Variants in PBRM1 observed in about 807,000 individuals in gnomAD.
PBRM1 encodes protein polybromo-1.
A neutral mutation model predicts 194.5 loss-of-function variants in PBRM1; 27 were observed. The ratio of observed to expected loss-of-function variants is 0.14; its 90% confidence interval spans 0.10 to 0.19. The LOEUF (loss-of-function observed/expected upper bound fraction) is 0.19, where lower values mean the gene tolerates loss of function less well. Ranked by LOEUF, PBRM1 falls within the 10% of genes least tolerant of loss-of-function variation. The pLI, the probability that PBRM1 is intolerant of heterozygous loss-of-function variation, is 1.00. For synonymous variants in PBRM1, 655 were observed against 693.2 expected (o/e 0.94, Z 0.87); for missense variants, 1,466 against 2,077.2 (o/e 0.71, Z 5.72).
intron 22 of PBRM1, among the ~76,000 whole-genome samples, chr3:52,566,482 G>A (rs1367481498): frequency 6.6e-6 from 1 of 152,022 alleles, no homozygotes; most frequent in South Asian, 2.1e-4. Flanking sequence ...TACAGCCTTA[G>A]GAATAAAATT....
chr3:52,551,206 C>T (rs1009714675), intron 27 of PBRM1, among the ~76,000 whole-genome samples: 2 of 152,316 alleles, frequency 1.3e-5, no homozygotes, highest in Middle Eastern at 3.4e-3. Flanking sequence ...GCACTGGAAT[C>T]AGGCTCAGCA....
At chr3:52,570,696 T>A (rs183148179) in intron 22 of PBRM1, among the ~76,000 whole-genome samples, 2 of 152,330 alleles carry the variant, frequency 1.3e-5, no homozygotes, top group Admixed American at 1.3e-4. Flanking sequence ...TGGATTTTGA[T>A]TGGAATTGGA....
rs141752554 is a variant in PBRM1, at chr3:52,575,593, AGCCTCTGCCTCTGCCTCT to A, written c.3691+930_3691+947del. The stretch of plus-strand genomic sequence containing the variant: ...CAGTGGCGTGATCTTGGCTCACTGC[AGCCTCTGCCTCTGCCTCT>A]GCCTCTGCCTCAGCCTCCAGAGTAA... On this transcript the variant is annotated intron_variant, in intron 22 of 29. Transcript: ENST00000296302. 2.8e-5 allele frequency among the ~76,000 whole-genome samples: 4 copies of A among 140,884 alleles called. No individual in the cohort carries two copies. The East Asian group carries it at 8.2e-4, about 29-fold the overall frequency. 92.4% of individuals were successfully genotyped at this position (140,884 alleles called of 152,430 possible).
At chr3:52,683,323 G>A (rs1199921076), upstream of PBRM1, among the ~76,000 whole-genome samples, 2 of 151,170 alleles carry the variant, frequency 1.3e-5, no homozygotes, top group African/African-American at 4.9e-5. Context: ...GCAGCAAGCC[G>A]AGATCATACC....
intron 7 of PBRM1, among the ~76,000 whole-genome samples, chr3:52,647,302 C>G (rs1300215823): frequency 1.3e-5 from 2 of 151,190 alleles, no homozygotes; most frequent in Non-Finnish European, 2.9e-5. Flanking sequence ...AATGGCAACA[C>G]CTGGATATTG....
intron 27 of PBRM1, among the ~76,000 whole-genome samples, chr3:52,553,850 C>T (rs750635552): frequency 6.6e-6 from 1 of 152,028 alleles, no homozygotes; most frequent in Non-Finnish European, 1.5e-5. Flanking sequence ...TTAGTAAAGA[C>T]GGTGTTTCAC....
intron 11 of PBRM1, among the ~76,000 whole-genome samples, chr3:52,633,853 G>T (rs2095704524): frequency 6.6e-6 from 1 of 150,780 alleles, no homozygotes; most frequent in South Asian, 2.1e-4. Context: ...TCTGAATTGG[G>T]TTTTTTTTTG....
At chr3:52,636,864 A>C (rs1560603115) in intron 10 of PBRM1, among the ~76,000 whole-genome samples, 1 of 151,366 alleles carries the variant, frequency 6.6e-6, no homozygotes, top group Non-Finnish European at 1.5e-5. Context: ...GCCTTAAAAA[A>C]AAAAAAAAGA....
At chr3:52,675,150 G>C (rs1306964932) in intron 2 of PBRM1, among the ~76,000 whole-genome samples, 2 of 152,096 alleles carry the variant, frequency 1.3e-5, no homozygotes, top group Non-Finnish European at 2.9e-5. Context: ...TAATTTCCTA[G>C]AAACACACAA....
At chr3:52,611,581 AT>A (rs1645608706) in intron 15 of PBRM1, among the ~76,000 whole-genome samples, 1 of 152,200 alleles carries the variant, frequency 6.6e-6, no homozygotes, top group Non-Finnish European at 1.5e-5. Flanking sequence ...AGGTGGGCAG[AT>A]CACTTGAGCC....
intron 24 of PBRM1, among the ~76,000 whole-genome samples, chr3:52,562,283 C>T (rs1391061694): frequency 1.3e-5 from 2 of 149,420 alleles, no homozygotes; most frequent in African/African-American, 2.5e-5. Context: ...GCCAAGACGG[C>T]GCCACTGCAC....
At chr3:52,643,707 C>A (rs952021473) in intron 8 of PBRM1, among the ~76,000 whole-genome samples, 6 of 152,208 alleles carry the variant, frequency 3.9e-5, no homozygotes, top group Non-Finnish European at 7.3e-5. Context: ...CGCAGTGGCT[C>A]ACGCCTGTAA....
chr3:52,576,898 T>C (rs1434484838), intron 21 of PBRM1, among the ~76,000 whole-genome samples, 200 bp from the exon 24 acceptor site: 2 of 152,154 alleles, frequency 1.3e-5, no homozygotes, highest in African/African-American at 2.4e-5. Context: ...AAAGGAACAT[T>C]TGACTATTTT....
intron 17 of PBRM1, among the ~76,000 whole-genome samples, chr3:52,602,320 C>A (rs1381269195): frequency 6.6e-6 from 1 of 152,166 alleles, no homozygotes; most frequent in Non-Finnish European, 1.5e-5. Context: ...CTTTCTATAG[C>A]CAATGACTTA....
intron 18 of PBRM1, 88 bp from the exon 21 acceptor site, chr3:52,587,598 C>CTGGG: frequency 1.0e-6 from 1 of 954,258 alleles, no homozygotes; most frequent in Non-Finnish European, 1.5e-6. Context: ...TTTAAAGAGA[C>CTGGG]TGGGTCTCAC....
chr3:52,637,434 C>T (rs893287836), intron 10 of PBRM1, among the ~76,000 whole-genome samples: 2 of 151,974 alleles, frequency 1.3e-5, no homozygotes, highest in African/African-American at 4.8e-5. Flanking sequence ...GCGTTTGAGA[C>T]CAGTATGGGC....
At chr3:52,643,397 C>T in intron 8 of PBRM1, 54 bp from the exon 10 acceptor site, 1 of 1,119,178 alleles carries the variant, frequency 8.9e-7, no homozygotes, top group Non-Finnish European at 1.4e-6. Flanking sequence ...AATTAGAGTG[C>T]TGGGTAAACA....
intron 10 of PBRM1, among the ~76,000 whole-genome samples, chr3:52,637,893 C>A (rs182749231): frequency 6.6e-6 from 1 of 151,158 alleles, no homozygotes; most frequent in Non-Finnish European, 1.5e-5. Flanking sequence ...TTGCCATGAG[C>A]GGGGATTGCG....
rs1404441780 is a variant in PBRM1, at chr3:52,581,517, G to C, written c.3388-2318C>G. 1.4e-5 allele frequency among the ~76,000 whole-genome samples: 2 copies of C among 147,230 alleles called. 1 individual carries two copies. The highest frequency in any genetic ancestry group is 4.5e-4 in the South Asian group (2 of 4,462). Reference sequence around the variant, plus strand: ...CTCTGTCTCAAAAAAAAAAAAAAAAGAATCAGAGAGGTTCCATATACATGA... The same window carrying C: ...CTCTGTCTCAAAAAAAAAAAAAAAACAATCAGAGAGGTTCCATATACATGA... On this transcript the variant is annotated intron_variant, in intron 20 of 29. Coordinates refer to ENST00000296302, the Ensembl canonical transcript of PBRM1.
Sources: allele counts gnomAD v4.1 joint callset (sites outside exome capture counted in the v4.1 genomes callset), GRCh38; gene constraint gnomAD v4.1.1; transcripts MANE v1.5; gene names NCBI Gene and HGNC (gene_info 2026-07-23, HGNC 2026-07-21).